The following DNAH11 variants were observed in gnomAD, a reference collection of about 807,000 sequenced individuals.
DNAH11 encodes the protein dynein axonemal heavy chain 11.
Under a neutral mutation model 526.0 loss-of-function variants are expected in DNAH11, and 442 were observed. That is an observed-to-expected ratio of 0.84 (90% CI 0.78 to 0.91). DNAH11 has a LOEUF of 0.91. DNAH11 is among the 40% of genes least tolerant of loss of function. The pLI is 0.00. For missense variants in DNAH11, 6,989 were observed against 5,448.7 expected, an observed-to-expected ratio of 1.28 and a Z score of -8.90; for synonymous variants, 2,461 against 1,935.9, an observed-to-expected ratio of 1.27 and a Z score of -7.12.
At chr7:21,561,677 A>G (rs1238426767) in intron 5 of DNAH11, among the ~76,000 whole-genome samples, 1 of 152,188 alleles carries the variant, frequency 6.6e-6, no homozygotes, top group East Asian at 1.9e-4. Context: ...CAGGAATCAT[A>G]AAATGATATC....
At chr7:21,732,431 G>A (rs1043641615) in intron 45 of DNAH11, among the ~76,000 whole-genome samples, 4 of 152,004 alleles carry the variant, frequency 2.6e-5, no homozygotes, top group South Asian at 2.1e-4. Flanking sequence ...CTGAAATACC[G>A]GGGTTAGGGC....
chr7:21,706,973 C>T (rs1784289461), intron 39 of DNAH11, among the ~76,000 whole-genome samples: 1 of 152,152 alleles, frequency 6.6e-6, no homozygotes, highest in African/African-American at 2.4e-5. Context: ...CCTCAATTAC[C>T]AGGATCAGGG....
intron 8 of DNAH11, among the ~76,000 whole-genome samples, chr7:21,578,446 C>T (rs1784183614): frequency 6.6e-6 from 1 of 152,232 alleles, no homozygotes; most frequent in Non-Finnish European, 1.5e-5. Context: ...AGCTCCACCC[C>T]TGTGGCTCTG....
intron 30 of DNAH11, among the ~76,000 whole-genome samples, chr7:21,668,230 A>G (rs1782497077): frequency 6.6e-6 from 1 of 152,160 alleles, no homozygotes; most frequent in Non-Finnish European, 1.5e-5. Flanking sequence ...AGAGGTAATG[A>G]CTGCCCTTTG....
At chr7:21,870,090 C>T (rs541249117) in intron 73 of DNAH11, among the ~76,000 whole-genome samples, 9 of 152,248 alleles carry the variant, frequency 5.9e-5, no homozygotes, top group East Asian at 1.9e-4. Flanking sequence ...GGTTAGGAGT[C>T]GTGATTCTCT....
chr7:21,792,933 A>G (rs527695016), intron 61 of DNAH11, among the ~76,000 whole-genome samples: 1 of 151,528 alleles, frequency 6.6e-6, no homozygotes, highest in Admixed American at 6.6e-5. Flanking sequence ...ATTTGTTCTT[A>G]TTATTTTAGT....
chr7:21,879,557 T>C (rs1377794074), intron 74 of DNAH11, among the ~76,000 whole-genome samples: 1 of 152,190 alleles, frequency 6.6e-6, no homozygotes, highest in East Asian at 1.9e-4. Flanking sequence ...TTTTAGTTCA[T>C]TGGAAGGAAA....
chr7:21,563,564 CAT>C (rs1041633031), intron 5 of DNAH11, among the ~76,000 whole-genome samples: 1 of 150,204 alleles, frequency 6.7e-6, no homozygotes, highest in African/African-American at 2.4e-5. Flanking sequence ...CTTCACATAA[CAT>C]AAAATTAACA....
intron 2 of DNAH11, among the ~76,000 whole-genome samples, chr7:21,557,062 CA>C (rs59996091): frequency 0.067 from 9,125 of 136,966 alleles, 279 homozygotes; most frequent in Middle Eastern, 0.13. Flanking sequence ...GACTCTGTCT[CA>C]AAAAAAAAAA....
At chr7:21,690,916 C>T (rs1187333329) in intron 35 of DNAH11, 35 bp downstream of exon 35, 4 of 1,452,824 alleles carry the variant, frequency 2.8e-6, no homozygotes, top group Middle Eastern at 1.7e-4. Flanking sequence ...GCATCTGGTG[C>T]ACTCATGCCA....
At chr7:21,545,467 A>G (rs1206309808) in intron 2 of DNAH11, among the ~76,000 whole-genome samples, 8 of 152,094 alleles carry the variant, frequency 5.3e-5, no homozygotes, top group Non-Finnish European at 4.4e-5. Flanking sequence ...AAGCAACTTG[A>G]ATAGGTTCTT....
chr7:21,894,011 C>A (rs1784419069), intron 77 of DNAH11, among the ~76,000 whole-genome samples: 1 of 152,220 alleles, frequency 6.6e-6, no homozygotes, highest in Non-Finnish European at 1.5e-5. Context: ...GCCTCAGCCA[C>A]CCAAATAGCT....
chr7:21,864,952 T>C (rs1562591912), intron 70 of DNAH11, among the ~76,000 whole-genome samples: 2 of 152,252 alleles, frequency 1.3e-5, no homozygotes, highest in African/African-American at 4.8e-5. Flanking sequence ...TTTTAAAAAG[T>C]TCCTTAAATC....
At chr7:21,572,965 G>A (rs911438063) in intron 8 of DNAH11, among the ~76,000 whole-genome samples, 5 of 152,154 alleles carry the variant, frequency 3.3e-5, no homozygotes, top group Admixed American at 2.0e-4. Context: ...GTACAGAATG[G>A]GATTCTTAAG....
Position 21,698,121 on chromosome 7 carries a change from T to G in DNAH11, c.6088T>G (p.Leu2030Val). 2 of 1,613,570 alleles carry G rather than the reference T, an allele frequency of 1.2e-6. No individual in the cohort carries two copies. The highest frequency in any genetic ancestry group is 1.7e-6 in the Non-Finnish European group (2 of 1,179,692). Reference sequence around the variant, plus strand: ...TGACATTGAGCTAATCTGTGAAATCTTGTTAGTTGCTGAAGGTTTTGTGGA... The same window carrying G: ...TGACATTGAGCTAATCTGTGAAATCGTGTTAGTTGCTGAAGGTTTTGTGGA... ...APDIELICEILLVAEGFVDAR... is the reference protein window; with the variant it reads ...APDIELICEIVLVAEGFVDAR... Residue 2030 changes from leucine (L) to valine (V), a missense_variant, in exon 36 of 82, where the codon TTG (leucine) becomes GTG (valine). Coordinates refer to ENST00000409508, the MANE Select transcript of DNAH11 (RefSeq NM_001277115.2).
At chr7:21,688,476 A>T (rs997488962) in intron 34 of DNAH11, among the ~76,000 whole-genome samples, 8 of 152,064 alleles carry the variant, frequency 5.3e-5, no homozygotes, top group African/African-American at 1.9e-4. Flanking sequence ...GTTGATTTCA[A>T]CTAGTCCCAG....
chr7:21,805,188 A>G (rs1789206966), intron 62 of DNAH11, among the ~76,000 whole-genome samples: 1 of 152,190 alleles, frequency 6.6e-6, no homozygotes, highest in South Asian at 2.1e-4. Flanking sequence ...ATACATGCAC[A>G]CATATGCATC....
At chr7:21,626,776 G>C (rs1260914934) in intron 25 of DNAH11, among the ~76,000 whole-genome samples, 1 of 133,750 alleles carries the variant, frequency 7.5e-6, no homozygotes, top group Non-Finnish European at 1.5e-5. Context: ...TTTTGAGGCG[G>C]AGTCTCATCT....
At chr7:21,819,580 TATGAAGACTTAAA>T (rs1789965909) in intron 65 of DNAH11, among the ~76,000 whole-genome samples, 1 of 152,188 alleles carries the variant, frequency 6.6e-6, no homozygotes, top group South Asian at 2.1e-4. Context: ...CTGACTCTAT[TATGAAGACTTAAA>T]ATTTTTATCA....
Sources: allele counts gnomAD v4.1 joint callset (sites outside exome capture counted in the v4.1 genomes callset), GRCh38; gene constraint gnomAD v4.1.1; transcripts MANE v1.5; gene names NCBI Gene and HGNC (gene_info 2026-07-23, HGNC 2026-07-21).